The following TMEM132D variants were observed in gnomAD, a reference collection of about 807,000 sequenced individuals.
The protein encoded by TMEM132D is mature OL transmembrane protein.
Under a neutral mutation model 62.3 loss-of-function variants are expected in TMEM132D, and 21 were observed. The ratio of observed to expected loss-of-function variants is 0.34; its 90% CI spans 0.24 to 0.49. The LOEUF (loss-of-function observed/expected upper bound fraction) is 0.49. TMEM132D is among the 20% of genes least tolerant of loss of function. TMEM132D has a pLI of 0.99. For missense variants in TMEM132D, 1,346 were observed against 1,402.8 expected (o/e 0.96, Z 0.65); for synonymous variants, 621 against 575.6 (o/e 1.08, Z -1.13).
At chr12:129,145,989 TG>T (rs1876882838) in intron 5 of TMEM132D, among the ~76,000 whole-genome samples, 1 of 151,988 alleles carries the variant, frequency 6.6e-6, no homozygotes, top group African/African-American at 2.4e-5. Flanking sequence ...CAAAATAAGG[TG>T]GGTACACCAT....
intron 2 of TMEM132D, among the ~76,000 whole-genome samples, chr12:129,598,120 G>A (rs985958718): frequency 6.6e-6 from 1 of 152,218 alleles, no homozygotes; most frequent in Non-Finnish European, 1.5e-5. Flanking sequence ...TTTGGAAGGT[G>A]TAGAATTCTA....
intron 5 of TMEM132D, among the ~76,000 whole-genome samples, chr12:129,153,034 A>C (rs1053450245): frequency 6.6e-6 from 1 of 152,088 alleles, no homozygotes; most frequent in African/African-American, 2.4e-5. Context: ...TTGTCTTTGC[A>C]GCCTGGGCAG....
chr12:129,682,185 C>A (rs1269283169), intron 2 of TMEM132D, among the ~76,000 whole-genome samples: 3 of 152,152 alleles, frequency 2.0e-5, no homozygotes, highest in Non-Finnish European at 4.4e-5. Flanking sequence ...TTTGAAATGG[C>A]CTTAAGTAAT....
intron 5 of TMEM132D, among the ~76,000 whole-genome samples, chr12:129,178,483 T>C (rs1343373515): frequency 6.6e-6 from 1 of 151,686 alleles, no homozygotes; most frequent in African/African-American, 2.4e-5. Flanking sequence ...CTGACTGATA[T>C]GAGATGGTAT....
chr12:129,834,767 A>G (rs113311376), intron 1 of TMEM132D, among the ~76,000 whole-genome samples: 493 of 152,260 alleles, frequency 3.2e-3, no homozygotes, highest in Non-Finnish European at 5.0e-3. Context: ...AATCATCTGA[A>G]TCTCACCATT....
At chr12:129,362,911 C>T (rs996140392) in intron 3 of TMEM132D, among the ~76,000 whole-genome samples, 1 of 152,236 alleles carries the variant, frequency 6.6e-6, no homozygotes, top group Non-Finnish European at 1.5e-5. Flanking sequence ...TGCCTGCAGA[C>T]TCCTTCAACC....
chr12:129,868,723 G>A (rs1336565094), intron 1 of TMEM132D, among the ~76,000 whole-genome samples: 4 of 152,132 alleles, frequency 2.6e-5, no homozygotes, highest in East Asian at 3.9e-4. Flanking sequence ...TTCTAGGGCC[G>A]GGACAAGCTG....
intron 2 of TMEM132D, among the ~76,000 whole-genome samples, chr12:129,602,708 T>C (rs1025163895): frequency 6.6e-6 from 1 of 152,160 alleles, no homozygotes; most frequent in African/African-American, 2.4e-5. Flanking sequence ...TCCCCACACA[T>C]ACACAGCCCT....
At chr12:129,246,477 T>A (rs139680788) in intron 4 of TMEM132D, among the ~76,000 whole-genome samples, 1 of 152,252 alleles carries the variant, frequency 6.6e-6, no homozygotes, top group Non-Finnish European at 1.5e-5. Context: ...ACCTGGGGGC[T>A]GGACACAGTG....
chr12:129,328,330 AG>A (rs1422555972), intron 4 of TMEM132D, among the ~76,000 whole-genome samples: 3 of 152,242 alleles, frequency 2.0e-5, no homozygotes, highest in African/African-American at 7.2e-5. Context: ...AAGTGAGCTC[AG>A]GAAATGCTTT....
chr12:129,074,822 C>G lies in TMEM132D; in HGVS notation c.2353G>C (p.Val785Leu), dbSNP rs2135604801. Reference protein sequence around the residue: ...ESCQKSKRKSVLAVGTANIKV... With the variant: ...ESCQKSKRKSLLAVGTANIKV... ...ATGTTTGCCGTTCCAACAGCTAACA[C>G]ACTCTTCCGCTTGGATTTCTGGCAG... The change falls in exon 9 of 9, where the codon GTG (valine) becomes CTG (leucine). Residue 785 changes from valine (V) to leucine (L), a missense_variant. Coordinates refer to ENST00000422113, the MANE Select transcript of TMEM132D (RefSeq NM_133448.3). 6.2e-7 allele frequency: 1 copy of G among 1,614,100 alleles called. No individual in the cohort carries two copies. The highest frequency in any genetic ancestry group is 8.5e-7 in the Non-Finnish European group (1 of 1,180,022).
chr12:129,429,371 G>T (rs1173633914), intron 3 of TMEM132D, among the ~76,000 whole-genome samples: 2 of 149,868 alleles, frequency 1.3e-5, no homozygotes, highest in African/African-American at 4.8e-5. Context: ...ATAGTTTTTT[G>T]TTTGTTTGTT....
chr12:129,895,983 T>G (rs914023965), intron 1 of TMEM132D, among the ~76,000 whole-genome samples: 2 of 148,772 alleles, frequency 1.3e-5, no homozygotes, highest in East Asian at 2.0e-4. Context: ...TTTTTTTTTT[T>G]GTTTGGAGAC....
chr12:129,511,339 G>T (rs1487883264), intron 3 of TMEM132D, among the ~76,000 whole-genome samples: 1 of 151,948 alleles, frequency 6.6e-6, no homozygotes, highest in Non-Finnish European at 1.5e-5. Context: ...TTTTTGCAAT[G>T]CATCTGTGTT....
chr12:129,793,432 C>T (rs1361931643), intron 1 of TMEM132D, among the ~76,000 whole-genome samples: 1 of 151,914 alleles, frequency 6.6e-6, no homozygotes, highest in Non-Finnish European at 1.5e-5. Context: ...AGTGCAGTGG[C>T]ATGATCATGG....
chr12:129,690,384 T>C (rs546609287), intron 2 of TMEM132D, among the ~76,000 whole-genome samples: 2 of 152,230 alleles, frequency 1.3e-5, no homozygotes, highest in South Asian at 4.1e-4. Context: ...AGACTAAATA[T>C]ACCAATTAAA....
At chr12:129,474,448 T>C (rs1874200259) in intron 3 of TMEM132D, among the ~76,000 whole-genome samples, 1 of 152,158 alleles carries the variant, frequency 6.6e-6, no homozygotes, top group African/African-American at 2.4e-5. Flanking sequence ...TTTGCCCAAG[T>C]TCACAGACCA....
chr12:129,636,240 T>C lies in TMEM132D; in HGVS notation c.968+63570A>G, dbSNP rs146958170. Among the ~76,000 whole-genome samples, 384 of 152,320 alleles carry C rather than the reference T, an allele frequency of 2.5e-3. 3 individuals carry two copies. The highest frequency in any genetic ancestry group is 8.9e-3 in the African/African-American group (368 of 41,574). On this transcript the variant is annotated intron_variant, in intron 2 of 8. Transcript: ENST00000422113. ...AGGGAAGGGGATTATCTACAGAATG[T>C]AGGCCTTCCCCACAAGAGACAGATT... is the stretch of plus-strand genomic sequence containing the variant.
rs921633731 is a variant in TMEM132D at position 129,480,907 on chromosome 12, C to T, written c.1115+50152G>A. Among the ~76,000 whole-genome samples the T allele has an allele frequency of 2.6e-5, 4 of 152,130 alleles. 1 individual carries two copies. Among genetic ancestry groups the T allele is most frequent in the Admixed American group, 6.5e-5 (1 of 15,272 alleles). On this transcript the variant is annotated intron_variant, in intron 3 of 8. Coordinates refer to ENST00000422113, the MANE Select transcript of TMEM132D (RefSeq NM_133448.3). ...TGGGCAAGAATTTTCACTGCAGCAT[C>T]GTGTGTGGAGCAGAGTTTTGGAGAC...
Sources: allele counts gnomAD v4.1 joint callset (sites outside exome capture counted in the v4.1 genomes callset), GRCh38; gene constraint gnomAD v4.1.1; transcripts MANE v1.5; gene names NCBI Gene and HGNC (gene_info 2026-07-23, HGNC 2026-07-21).